Variants in CD101 observed in about 807,000 individuals in gnomAD.
CD101 encodes the protein immunoglobulin superfamily member 2.
In CD101, 76 loss-of-function variants were observed where a neutral mutation model predicts 98.2. The ratio of observed to expected loss-of-function variants is 0.77; its 90% CI spans 0.64 to 0.94. The LOEUF is 0.94. Ranked by LOEUF, CD101 falls within the 40% of genes least tolerant of loss-of-function variation. The pLI is 0.00. For missense variants in CD101, 1,145 were observed against 1,218.8 expected, an observed-to-expected ratio of 0.94 and a Z score of 0.90; for synonymous variants, 471 against 472.7, an observed-to-expected ratio of 1.00 and a Z score of 0.05.
chr1:117,017,805 A>G (rs907849314), intron 5 of CD101, among the ~76,000 whole-genome samples: 3 of 152,200 alleles, frequency 2.0e-5, no homozygotes, highest in Non-Finnish European at 2.9e-5. Flanking sequence ...AGCATGTGCA[A>G]AAGGGTTCTG....
rs139509193 is a variant in CD101, at chr1:117,034,075, G to T, written c.3040G>T (p.Asp1014Tyr). The T allele has an allele frequency of 5.4e-5, 87 of 1,614,074 alleles. No individual in the cohort carries two copies. The Middle Eastern group carries it at 6.6e-4, about 12-fold the overall frequency. Residue 1014 changes from aspartate to tyrosine, a missense_variant, in exon 9 of 10, where the codon GAC becomes TAC. Physicochemically the swap from Asp to Tyr is radical, Grantham distance 160 (BLOSUM62 -3). Coordinates refer to ENST00000682167, the MANE Select transcript of CD101 (RefSeq NM_001256106.3). ...AGGTGTGACCACAAATAGGAGGGAA[G>T]ACGAGGAGGAAGATGAAGGCAACTG... ...AGGVTTNRRE[D>Y]EEEDEGN
rs1401132716 is a variant in CD101, at chr1:117,004,053, T to C, written c.43+2193T>C. 6.6e-6 allele frequency among the ~76,000 whole-genome samples: 1 copy of C among 152,162 alleles called. No individual in the cohort carries two copies. The highest frequency in any genetic ancestry group is 2.4e-5 in the African/African-American group (1 of 41,434). On this transcript the variant is annotated intron_variant, in intron 1 of 9. Transcript: ENST00000682167. This position sits in a 1 kb window ranked among gnomAD's most constrained non-coding sequence, Gnocchi z 4.1. Reference sequence around the variant, plus strand: ...TGCCATATGAGATTAATGTCATGGGTAAATGAGTTCTCGGATTTAGCAGTT... The same window carrying C: ...TGCCATATGAGATTAATGTCATGGGCAAATGAGTTCTCGGATTTAGCAGTT...
At chr1:117,028,661 G>A (rs1654120437) in intron 8 of CD101, among the ~76,000 whole-genome samples, 1 of 152,204 alleles carries the variant, frequency 6.6e-6, no homozygotes, top group African/African-American at 2.4e-5. Flanking sequence ...GCTGGGAAGG[G>A]AATCAGGATT....
Position 117,026,971 on chromosome 1 carries a change from A to T in CD101, c.2824+1067A>T, listed in dbSNP as rs148089382. Among the ~76,000 whole-genome samples the T allele has an allele frequency of 9.2e-3, 1,405 of 152,234 alleles. 27 individuals are homozygous for T. Among genetic ancestry groups the T allele is most frequent in the African/African-American group, 0.032 (1,345 of 41,528 alleles). On this transcript the variant is annotated intron_variant, in intron 8 of 9. Coordinates refer to ENST00000682167, the MANE Select transcript of CD101 (RefSeq NM_001256106.3). The stretch of plus-strand genomic sequence containing the variant: ...AGTCAGGGAGGCAGTGTGGGGTGAT[A>T]AAAAATCCCAGGGGCTGGAATCTGA...
chr1:117,003,983 T>A (rs1652390246), intron 1 of CD101, among the ~76,000 whole-genome samples: 2 of 152,224 alleles, frequency 1.3e-5, no homozygotes, highest in Non-Finnish European at 2.9e-5. Flanking sequence ...TGTCCCAATT[T>A]TTTTTTAGTA....
At chr1:117,002,576 A>C (rs978029445) in intron 1 of CD101, among the ~76,000 whole-genome samples, 10 of 152,252 alleles carry the variant, frequency 6.6e-5, no homozygotes, top group African/African-American at 2.2e-4. Context: ...AGTTTTCATT[A>C]ACATCTGGTA....
intron 1 of CD101, among the ~76,000 whole-genome samples, chr1:117,003,626 A>G (rs1025401035): frequency 2.6e-5 from 4 of 152,248 alleles, no homozygotes. Flanking sequence ...GCAATAATTC[A>G]TAGAATTGCA....
chr1:117,029,194 A>AGAAAG, intron 8 of CD101, among the ~76,000 whole-genome samples: 1 of 43,464 alleles, frequency 2.3e-5, no homozygotes, highest in African/African-American at 1.0e-4. Context: ...AAAGAAAGAA[A>AGAAAG]GAAAGAAAGA....
In CD101 at chr1:117,018,342, C is replaced by T; in HGVS notation, c.1799C>T (p.Thr600Ile). The change falls in exon 6 of 10, where the codon ACT (threonine) becomes ATT (isoleucine). Residue 600 changes from threonine to isoleucine, a missense_variant. Physicochemically the swap from Thr to Ile is moderately conservative, Grantham distance 89. Transcript: ENST00000682167. This position sits in a 1 kb window ranked among gnomAD's most constrained non-coding sequence, Gnocchi z 4.3. ...CTTATTCGAATCACCCACAATGGCA[C>T]TATTGAATGGGGGAATTTCCTATCC... is the stretch of plus-strand genomic sequence containing the variant. ...HQLIRITHNG[T>I]IEWGNFLSRF... is the part of the protein sequence containing the mutation. 1 of 1,614,204 alleles carries T rather than the reference C, an allele frequency of 6.2e-7. No individual in the cohort carries two copies. Among genetic ancestry groups the T allele is most frequent in the Non-Finnish European group, 8.5e-7 (1 of 1,180,036 alleles).
At chr1:117,020,005 C>T (rs1653480550) in intron 6 of CD101, among the ~76,000 whole-genome samples, 1 of 152,110 alleles carries the variant, frequency 6.6e-6, no homozygotes. Context: ...GAATTACTGG[C>T]AGCTCCTCAA....
intron 8 of CD101, among the ~76,000 whole-genome samples, chr1:117,028,486 G>T (rs1399153130): frequency 1.3e-5 from 2 of 152,202 alleles, no homozygotes; most frequent in African/African-American, 4.8e-5. Context: ...ATAAAGGTCT[G>T]TCCAATAGAC....
rs201513096 is a variant in CD101 at position 117,013,372 on chromosome 1, C to A, written c.842-34C>A. On this transcript the variant is annotated intron_variant, in intron 3 of 9. Coordinates refer to ENST00000682167, the MANE Select transcript of CD101 (RefSeq NM_001256106.3). ...GTACTGAAAGGACAGAGGCTGTGGG[C>A]TCTCTAAATACCTGCCTTGCTTTTG... 6.0e-4 allele frequency: 948 copies of A among 1,569,648 alleles called. 7 individuals are homozygous for A. The Middle Eastern group carries it at 6.2e-3, about 10-fold the overall frequency.
chr1:117,016,206 T>TTA (rs532707145), intron 4 of CD101, among the ~76,000 whole-genome samples: 311 of 146,166 alleles, frequency 2.1e-3, no homozygotes, highest in African/African-American at 7.3e-3. Context: ...ATATATTTAT[T>TTA]TATATATATA....
At chr1:117,030,219 C>T (rs1409982614) in intron 8 of CD101, among the ~76,000 whole-genome samples, 3 of 151,894 alleles carry the variant, frequency 2.0e-5, no homozygotes, top group Non-Finnish European at 4.4e-5. Context: ...CCTGTCTCTA[C>T]AAAAAATTTA....
chr1:117,031,269 C>G (rs1418313305), intron 8 of CD101, among the ~76,000 whole-genome samples: 6 of 152,326 alleles, frequency 3.9e-5, no homozygotes, highest in East Asian at 1.9e-4. Flanking sequence ...CCAAGATAGC[C>G]AAGCCCTCTG....
Position 117,011,951 on chromosome 1 carries a change from A to G in CD101, c.826A>G (p.Arg276Gly), listed in dbSNP as rs1317472434. 6.2e-7 allele frequency: 1 copy of G among 1,612,070 alleles called. No homozygotes were observed. The highest frequency in any genetic ancestry group is 8.5e-7 in the Non-Finnish European group (1 of 1,178,420). The stretch of plus-strand genomic sequence containing the variant: ...AAAGCAGACCGATCAAACCACTCTG[A>G]GGATCCAGCCAGCAGGTAATTATCT... ...TKKQTDQTTL[R>G]IQPAVKDFQV... Residue 276 changes from arginine to glycine, a missense_variant, in exon 3 of 10, where the codon AGG (arginine) becomes GGG (glycine). Transcript: ENST00000682167.
In CD101 at chr1:117,018,239, G is replaced by A. The variant is rs762324712; in HGVS notation, c.1696G>A (p.Ala566Thr). 10 of 1,614,026 alleles carry A rather than the reference G, an allele frequency of 6.2e-6. No individual in the cohort carries two copies. The highest frequency in any genetic ancestry group is 4.2e-6 in the Non-Finnish European group (5 of 1,180,038). ...NTFDLSCVVR[A>T]GYSDLKVPLT... is the part of the protein sequence containing the mutation. ...CTTTGACCTGTCCTGTGTCGTGAGG[G>A]CCGGTTACTCTGACCTCAAGGTGCC... The change falls in exon 6 of 10, where the codon GCC becomes ACC. Residue 566 changes from alanine (A) to threonine (T), a missense_variant. Coordinates refer to ENST00000682167, the MANE Select transcript of CD101 (RefSeq NM_001256106.3). The surrounding 1 kb of genome is among the most constrained non-coding windows in gnomAD (Gnocchi z 4.3).
In CD101 at chr1:117,018,292, A is replaced by G; in HGVS notation, c.1749A>G (p.Pro583=). The G allele has an allele frequency of 1.2e-6, 2 of 1,614,174 alleles. No homozygotes were observed. Among genetic ancestry groups the G allele is most frequent in the Non-Finnish European group, 1.7e-6 (2 of 1,180,032 alleles). The change falls in exon 6 of 10, where the codon CCA becomes CCG. Residue 583 remains proline, a synonymous_variant. Coordinates refer to ENST00000682167, the MANE Select transcript of CD101 (RefSeq NM_001256106.3). The surrounding 1 kb of genome is among the most constrained non-coding windows in gnomAD (Gnocchi z 4.3). ...TCACTGTGACGTGGCAGTTCCAGCC[A>G]GCTAGCTCTCACATCTTCCACCAGC... The part of the protein sequence containing the change: ...VPLTVTWQFQ[P]ASSHIFHQLI...
At chr1:117,035,186 G>A (rs370187170) in intron 9 of CD101, among the ~76,000 whole-genome samples, 215 of 152,222 alleles carry the variant, frequency 1.4e-3, no homozygotes, top group Middle Eastern at 6.8e-3. Flanking sequence ...AGGCCCTGTT[G>A]TAGCCAGAAT....
Sources: allele counts gnomAD v4.1 joint callset (sites outside exome capture counted in the v4.1 genomes callset), GRCh38; gene constraint gnomAD v4.1.1; non-coding constraint Gnocchi (gnomAD v3.1); transcripts MANE v1.5; gene names NCBI Gene and HGNC (gene_info 2026-07-23, HGNC 2026-07-21).